The following ATG9A variants were observed in gnomAD, a reference collection of about 807,000 sequenced individuals.
ATG9A encodes the protein autophagy related 9A, also known as autophagy-related protein 9A.
ATG9A carries 21 observed loss-of-function variants against 87.1 expected under a neutral mutation model. The observed-to-expected ratio is 0.24, with a 90% CI of 0.17 to 0.35. The LOEUF (loss-of-function observed/expected upper bound fraction) is 0.35. ATG9A is among the 10% of genes least tolerant of loss of function. The pLI is 1.00. For missense variants in ATG9A, 836 were observed against 1,107.3 expected, an observed-to-expected ratio of 0.76 and a Z score of 3.48; for synonymous variants, 422 against 441.3, an observed-to-expected ratio of 0.96 and a Z score of 0.55.
chr2:219,225,911 C>T (rs967705829), intron 5 of ATG9A, among the ~76,000 whole-genome samples: 1 of 152,202 alleles, frequency 6.6e-6, no homozygotes, highest in African/African-American at 2.4e-5. Flanking sequence ...GGGGAGTTTT[C>T]TGATTGAGGG....
At chr2:219,225,246 C>T (rs754501441) in intron 6 of ATG9A, 34 bp from the exon 7 acceptor site, 1 of 1,613,200 alleles carries the variant, frequency 6.2e-7, no homozygotes, top group Non-Finnish European at 8.5e-7. Flanking sequence ...GAGAGGTGGC[C>T]CTCGAGGAAG....
In ATG9A at chr2:219,223,075, C is replaced by T. The variant is rs994276534; in HGVS notation, c.1600-182G>A. 7.4e-5 allele frequency among the ~76,000 whole-genome samples: 11 copies of T among 149,460 alleles called. No homozygotes were observed. The highest frequency in any genetic ancestry group is 6.6e-4 in the Admixed American group (10 of 15,100). On this transcript the variant is annotated intron_variant, in intron 10 of 15. Transcript: ENST00000361242. This position sits in a 1 kb window ranked among gnomAD's most constrained non-coding sequence, Gnocchi z 4.7. The stretch of plus-strand genomic sequence containing the variant: ...GCTGCACTGCATGCTGAGCCAGTTA[C>T]TTGTGTTGTGCCTTTTTTTTTTTTT...
chr2:219,228,303 G>A (rs937029563), intron 2 of ATG9A, 131 bp downstream of exon 2: 6 of 428,864 alleles, frequency 1.4e-5, no homozygotes, highest in Non-Finnish European at 2.1e-5. Flanking sequence ...TTTGTTGGGG[G>A]CTGTTTCATC....
At chr2:219,227,407 C>T (rs1347088892) in intron 4 of ATG9A, among the ~76,000 whole-genome samples, 3 of 152,066 alleles carry the variant, frequency 2.0e-5, no homozygotes, top group Admixed American at 6.5e-5. Flanking sequence ...ATCCCAGCTA[C>T]GTGGGAGACT....
intron 5 of ATG9A, among the ~76,000 whole-genome samples, 182 bp downstream of exon 5, chr2:219,226,686 CA>C (rs374756980): frequency 2.7e-5 from 4 of 150,654 alleles, no homozygotes; most frequent in African/African-American, 9.8e-5. Flanking sequence ...CACTCCATCT[CA>C]AAAAAAAAGA....
chr2:219,222,488 G>A lies in ATG9A; in HGVS notation c.1849-38C>T. On this transcript the variant is annotated intron_variant, in intron 11 of 15. Transcript: ENST00000361242. This position sits in a 1 kb window ranked among gnomAD's most constrained non-coding sequence, Gnocchi z 4.3. ...CGGGTAGGTAGAATTCTTGAGGCAA[G>A]AGAAAGGTCTCTGGGGTCCCCTAGT... 1 of 1,543,346 alleles carries A rather than the reference G, an allele frequency of 6.5e-7. No homozygotes were observed. The highest frequency in any genetic ancestry group is 8.7e-7 in the Non-Finnish European group (1 of 1,146,076).
At position 219,221,003 on chromosome 2, in the gene ATG9A, T is replaced by TAGAG. The variant is rs1166603650; in HGVS notation, c.2368+76_2368+77insCTCT. On this transcript the variant is annotated intron_variant, in intron 14 of 15. Coordinates refer to ENST00000361242, the MANE Select transcript of ATG9A (RefSeq NM_001077198.3). ...CTTTGGGCCTGTTCTCTCAGACCTCTTTCCTCCCCTTGAGAGGCCCTGGAA... is the reference window on the plus strand; with the variant it reads ...CTTTGGGCCTGTTCTCTCAGACCTCTAGAGTTCCTCCCCTTGAGAGGCCCTGGAA... The TAGAG allele has an allele frequency of 3.8e-6, 6 of 1,592,372 alleles. No individual in the cohort carries two copies. The African/African-American group carries it at 8.1e-5, about 21-fold the overall frequency.
At chr2:219,225,281 C>T (rs1950838375) in intron 6 of ATG9A, 69 bp from the exon 7 acceptor site, 11 of 1,607,604 alleles carry the variant, frequency 6.8e-6, no homozygotes, top group East Asian at 2.2e-5. Context: ...ACGCTGCTAT[C>T]CTGAAGTATT....
chr2:219,226,468 C>T (rs1173047729), intron 5 of ATG9A, among the ~76,000 whole-genome samples: 1 of 152,012 alleles, frequency 6.6e-6, no homozygotes, highest in East Asian at 1.9e-4. Flanking sequence ...GCAGATAACC[C>T]GAGGTCAGGA....
rs1950809832 is a variant in ATG9A at position 219,223,746 on chromosome 2, A to G, written c.1438T>C (p.Leu480=). The G allele has an allele frequency of 6.2e-7, 1 of 1,612,664 alleles. No homozygotes were observed. The highest frequency in any genetic ancestry group is 8.5e-7 in the Non-Finnish European group (1 of 1,179,348). ...QYKAVFILEE[L]LSPIVTPLIL... ...AGGGGTGTGACAATGGGGCTCAGCAACTCTTCCAAAATGAACACCTAAAAG... is the reference window on the plus strand; with the variant it reads ...AGGGGTGTGACAATGGGGCTCAGCAGCTCTTCCAAAATGAACACCTAAAAG... Residue 480 remains leucine (L), a synonymous_variant, in exon 10 of 16, where the codon TTG becomes CTG. Transcript: ENST00000361242. This position sits in a 1 kb window ranked among gnomAD's most constrained non-coding sequence, Gnocchi z 4.7.
Position 219,229,049 on chromosome 2 carries a change from G to A in ATG9A, c.-82+486C>T, listed in dbSNP as rs182416714. The A allele has an allele frequency of 6.6e-6, 1 of 152,406 alleles. No homozygotes were observed. The highest frequency in any genetic ancestry group is 1.9e-4 in the East Asian group (1 of 5,142). The allele number at this position is 152,406 out of a possible 1,614,324, so 9.4% of individuals were successfully genotyped here. ...CCTGGGGGCCGTGGATCTTGGCCCA[G>A]CCTGGCCCCGGTGGGATTCCCTGGG... On this transcript the variant is annotated intron_variant, in intron 1 of 15. Transcript: ENST00000361242. The surrounding 1 kb of genome is among the most constrained non-coding windows in gnomAD (Gnocchi z 4.2).
rs1285435515 is a variant in ATG9A, at chr2:219,224,547, C to T, written c.824G>A (p.Arg275His). The change falls in exon 8 of 16, where the codon CGT (arginine) becomes CAT (histidine). Residue 275 changes from arginine to histidine, a missense_variant. Physicochemically the swap from Arg to His is conservative, Grantham distance 29. Around this residue, in one of 2 missense-constraint regions of ATG9A, gnomAD observed 512 missense variants for 759.6 expected, o/e 0.67. Coordinates refer to ENST00000361242, the MANE Select transcript of ATG9A (RefSeq NM_001077198.3). The surrounding 1 kb of genome is among the most constrained non-coding windows in gnomAD (Gnocchi z 7.7). ...GGCCAGCTCTAGCCGTTGCCCCCCA[C>T]GTTTGTACTCGGCCTTGAGGCTCCA... ...NEWSLKAEYK[R>H]GGQRLELAQR... 1.9e-6 allele frequency: 3 copies of T among 1,614,184 alleles called. No homozygotes were observed. The highest frequency in any genetic ancestry group is 2.5e-6 in the Non-Finnish European group (3 of 1,180,048).
chr2:219,220,587 C>T, intron 15 of ATG9A, 135 bp from the exon 16 acceptor site: 1 of 1,505,364 alleles, frequency 6.6e-7, no homozygotes, highest in Non-Finnish European at 9.1e-7. Flanking sequence ...AAACCAAGCC[C>T]TGCAGAGCAG....
In ATG9A at chr2:219,227,982, A is replaced by G; in HGVS notation, c.43T>C (p.Tyr15His). The change falls in exon 3 of 16, where the codon TAT becomes CAT. Residue 15 changes from tyrosine to histidine, a missense_variant. Tyr to His is a moderately conservative substitution (Grantham distance 83, BLOSUM62 2). Transcript: ENST00000361242. ...TCCTCCCCTGGGGGTGAATCACTATAGGAGGCCTCTAGGCGCTGGTATTCA... is the reference window on the plus strand; with the variant it reads ...TCCTCCCCTGGGGGTGAATCACTATGGGAGGCCTCTAGGCGCTGGTATTCA... The part of the protein sequence containing the change: ...DTEYQRLEAS[Y>H]SDSPPGEEDL... The G allele has an allele frequency of 1.2e-6, 2 of 1,614,134 alleles. No individual in the cohort carries two copies. The highest frequency in any genetic ancestry group is 1.7e-6 in the Non-Finnish European group (2 of 1,179,996).
chr2:219,220,859 A>C lies in ATG9A; in HGVS notation c.2402T>G (p.Phe801Cys). The change falls in exon 15 of 16, where the codon TTC becomes TGC. Residue 801 changes from phenylalanine (F) to cysteine (C), a missense_variant. Physicochemically the swap from Phe to Cys is radical, Grantham distance 205. Around this residue, in one of 2 missense-constraint regions of ATG9A, gnomAD observed 324 missense variants for 347.6 expected, o/e 0.93. Coordinates refer to ENST00000361242, the MANE Select transcript of ATG9A (RefSeq NM_001077198.3). Reference protein sequence around the residue: ...PGTVPRVPSHFSRLPLGGWAE... With the variant: ...PGTVPRVPSHCSRLPLGGWAE... The stretch of plus-strand genomic sequence containing the variant: ...CCACCCTCCAAGAGGCAGCCGAGAG[A>C]AATGAGAGGGAACCCTGGGCACTGT... The C allele has an allele frequency of 6.2e-7, 1 of 1,613,148 alleles. No individual in the cohort carries two copies. The highest frequency in any genetic ancestry group is 8.5e-7 in the Non-Finnish European group (1 of 1,179,898).
intron 13 of ATG9A, 118 bp from the exon 14 acceptor site, chr2:219,221,420 A>T (rs1435688281): frequency 1.4e-5 from 13 of 918,414 alleles, no homozygotes; most frequent in Non-Finnish European, 1.9e-5. Context: ...TCCTTGCCTC[A>T]GAGCACCTAT....
chr2:219,220,924 T>C (rs753183053), intron 14 of ATG9A, 32 bp from the exon 15 acceptor site: 8 of 1,607,910 alleles, frequency 5.0e-6, no homozygotes, highest in East Asian at 4.5e-5. Flanking sequence ...AGCATACTCA[T>C]AGAAGGAACA....
Position 219,221,088 on chromosome 2 carries a change from C to CCA in ATG9A, c.2358_2359dup (p.Gly787ValfsTer58). On this transcript the variant is annotated frameshift_variant, in exon 14 of 16. Transcript: ENST00000361242. LOFTEE classifies it high-confidence loss of function. Reference sequence around the variant, plus strand: ...ATACCCCCACTGGATACCTGTGATGCCACCGTAGCGCCTCTGGAAGCCCCC... The same window carrying CCA: ...ATACCCCCACTGGATACCTGTGATGCCACACCGTAGCGCCTCTGGAAGCCCCC... The CCA allele has an allele frequency of 6.2e-7, 1 of 1,612,784 alleles. No individual in the cohort carries two copies. The highest frequency in any genetic ancestry group is 8.5e-7 in the Non-Finnish European group (1 of 1,179,496).
chr2:219,228,987 G>A (rs911393220), intron 1 of ATG9A: 1 of 152,224 alleles, frequency 6.6e-6, no homozygotes, highest in African/African-American at 2.4e-5. Context: ...CTGTAAGCCA[G>A]GCATGGTCGA....
Sources: allele counts gnomAD v4.1 joint callset (sites outside exome capture counted in the v4.1 genomes callset), GRCh38; gene constraint gnomAD v4.1.1; regional missense constraint gnomAD v4.1.1; non-coding constraint Gnocchi (gnomAD v3.1); transcripts MANE v1.5; gene names NCBI Gene and HGNC (gene_info 2026-07-23, HGNC 2026-07-21).